Variants in CFAP97 observed in about 807,000 individuals in gnomAD.
CFAP97 encodes the protein cilia- and flagella-associated protein 97.
CFAP97 carries 36 observed loss-of-function variants against 43.1 expected under a neutral mutation model. The ratio of observed to expected loss-of-function variants is 0.84; its 90% CI spans 0.64 to 1.10. CFAP97 has a LOEUF of 1.10. Among genes scored for constraint, CFAP97 ranks in the 50% least tolerant of loss-of-function variants. The probability of loss-of-function intolerance (pLI) is 0.00; values close to 1 mark genes in which losing one functional copy is unlikely to be tolerated. For synonymous variants in CFAP97, 228 were observed against 225.7 expected, an observed-to-expected ratio of 1.01 and a Z score of -0.09; for missense variants, 657 against 620.3, an observed-to-expected ratio of 1.06 and a Z score of -0.63.
chr4:185,208,269 G>T (rs574485549), upstream of CFAP97, among the ~76,000 whole-genome samples: 1 of 152,070 alleles, frequency 6.6e-6, no homozygotes, highest in South Asian at 2.1e-4. Context: ...GCCCGCCTCA[G>T]CCTCCGAAAG....
At chr4:185,195,439 C>T (rs1228004008) in intron 1 of CFAP97, among the ~76,000 whole-genome samples, 1 of 152,210 alleles carries the variant, frequency 6.6e-6, no homozygotes, top group African/African-American at 2.4e-5. Flanking sequence ...GTCATCATCA[C>T]ACCACTGCAC....
chr4:185,189,536 CTAAATA>C (rs959875186), intron 2 of CFAP97, among the ~76,000 whole-genome samples: 2 of 152,050 alleles, frequency 1.3e-5, no homozygotes, highest in African/African-American at 4.8e-5. Context: ...TACTTTCAAA[CTAAATA>C]TAAATAATAA....
intron 2 of CFAP97, among the ~76,000 whole-genome samples, chr4:185,176,582 G>C (rs1399307361): frequency 2.0e-5 from 3 of 152,146 alleles, no homozygotes; most frequent in Admixed American, 6.6e-5. Flanking sequence ...ACGAAACAAT[G>C]AAAGTATCTT....
chr4:185,191,611 C>G (rs1414963848), intron 1 of CFAP97, among the ~76,000 whole-genome samples: 1 of 152,176 alleles, frequency 6.6e-6, no homozygotes, highest in Non-Finnish European at 1.5e-5. Flanking sequence ...GCGAGTGGAC[C>G]ACGAGGTCAA....
At chr4:185,173,661 T>TA (rs1435283126) in intron 3 of CFAP97, among the ~76,000 whole-genome samples, 1 of 152,210 alleles carries the variant, frequency 6.6e-6, no homozygotes, top group East Asian at 1.9e-4. Context: ...TGTACAGTTC[T>TA]ACTCATATGA....
At position 185,162,529 on chromosome 4, in the gene CFAP97, A is replaced by T; in HGVS notation, c.*269T>A. Reference sequence around the variant, plus strand: ...ATCACTACTATTTTGACAGCATGACAACTGAATAATTAGAAGATACACATG... The same window carrying T: ...ATCACTACTATTTTGACAGCATGACTACTGAATAATTAGAAGATACACATG... On this transcript the variant is annotated 3_prime_UTR_variant, in exon 5 of 5. Coordinates refer to ENST00000458385, the MANE Select transcript of CFAP97 (RefSeq NM_020827.3). 7.6e-6 allele frequency: 3 copies of T among 395,538 alleles called. No individual in the cohort carries two copies. The highest frequency in any genetic ancestry group is 7.2e-5 in the South Asian group (3 of 41,494). 24.5% of individuals were successfully genotyped at this position (395,538 alleles called of 1,614,324 possible). A position where few individuals can be genotyped will look rare whatever the true frequency, so the allele number is the denominator to read the frequency against.
At chr4:185,177,411 T>TA (rs1553971075) in intron 2 of CFAP97, among the ~76,000 whole-genome samples, 1 of 106,628 alleles carries the variant, frequency 9.4e-6, no homozygotes, top group Non-Finnish European at 2.0e-5. Flanking sequence ...AGACTCTGTC[T>TA]CCAAAAAAAA....
At chr4:185,184,104 T>C (rs538733061) in intron 2 of CFAP97, among the ~76,000 whole-genome samples, 5 of 152,302 alleles carry the variant, frequency 3.3e-5, no homozygotes, top group Non-Finnish European at 7.4e-5. Context: ...CTCAGTGTCT[T>C]GATATTCAGA....
At chr4:185,171,653 T>A (rs1339849938) in intron 3 of CFAP97, among the ~76,000 whole-genome samples, 2 of 152,234 alleles carry the variant, frequency 1.3e-5, no homozygotes, top group Non-Finnish European at 2.9e-5. Flanking sequence ...TCTGCTAAGA[T>A]TGTTCTTATG....
chr4:185,180,509 T>C (rs1735740280), intron 2 of CFAP97, among the ~76,000 whole-genome samples: 1 of 152,194 alleles, frequency 6.6e-6, no homozygotes, highest in South Asian at 2.1e-4. Context: ...ACAGCACTTA[T>C]TTGTCTTTTT....
At chr4:185,193,633 T>C (rs1736404961) in intron 1 of CFAP97, among the ~76,000 whole-genome samples, 1 of 151,944 alleles carries the variant, frequency 6.6e-6, no homozygotes, top group African/African-American at 2.4e-5. Flanking sequence ...CAGACGACAA[T>C]ATGAGACTGT....
intron 4 of CFAP97, 137 bp from the exon 5 acceptor site, chr4:185,163,062 G>T: frequency 3.0e-6 from 2 of 671,626 alleles, no homozygotes; most frequent in Non-Finnish European, 4.4e-6. Flanking sequence ...AGAATTCCCT[G>T]TGGAAGTTAA....
At chr4:185,193,486 A>T (rs1736394996) in intron 1 of CFAP97, among the ~76,000 whole-genome samples, 1 of 152,098 alleles carries the variant, frequency 6.6e-6, no homozygotes, top group Non-Finnish European at 1.5e-5. Flanking sequence ...CTCTACTAGA[A>T]ATACAAAAAA....
At chr4:185,209,830 C>T, upstream of CFAP97, 1 of 983,658 alleles carries the variant, frequency 1.0e-6, no homozygotes, top group Non-Finnish European at 1.2e-6. The surrounding 1 kb of genome is among the most constrained non-coding windows in gnomAD (Gnocchi z 5.2). Flanking sequence ...AAGCAGCATG[C>T]ACCCCGATGC....
intron 2 of CFAP97, among the ~76,000 whole-genome samples, chr4:185,186,642 G>A (rs1312150332): frequency 6.6e-6 from 1 of 152,104 alleles, no homozygotes; most frequent in Non-Finnish European, 1.5e-5. Flanking sequence ...TAAACCAGAT[G>A]CTAGTGATTA....
intron 1 of CFAP97, among the ~76,000 whole-genome samples, chr4:185,203,506 C>T (rs567709408): frequency 6.6e-6 from 1 of 152,282 alleles, no homozygotes; most frequent in Non-Finnish European, 1.5e-5. Flanking sequence ...TGTCTACATC[C>T]CCTACCGTCC....
upstream of CFAP97, chr4:185,209,975 G>T (rs956366824): frequency 1.0e-6 from 1 of 983,532 alleles, no homozygotes; most frequent in African/African-American, 1.8e-5. The surrounding 1 kb of genome is among the most constrained non-coding windows in gnomAD (Gnocchi z 5.2). Context: ...GCGGCGCCGG[G>T]GGCCCCGGGC....
At chr4:185,174,230 CAAAG>C (rs894682660) in intron 3 of CFAP97, among the ~76,000 whole-genome samples, 19 of 152,226 alleles carry the variant, frequency 1.2e-4, no homozygotes, top group African/African-American at 3.6e-4. Flanking sequence ...AGAGTGAAAA[CAAAG>C]GAAGTAATCC....
At position 185,190,745 on chromosome 4, in the gene CFAP97, G is replaced by C; in HGVS notation, c.452C>G (p.Ser151Cys). The change falls in exon 2 of 5, where the codon TCC becomes TGC. Residue 151 changes from serine to cysteine, a missense_variant. Coordinates refer to ENST00000458385, the MANE Select transcript of CFAP97 (RefSeq NM_020827.3). The part of the protein sequence containing the change: ...DGKKYHVKSK[S>C]AKPSTNVKKS... ...TTTAACGTTAGTAGATGGTTTAGCGGACTTGGACTTCACATGGTATTTCTT... is the reference window on the plus strand; with the variant it reads ...TTTAACGTTAGTAGATGGTTTAGCGCACTTGGACTTCACATGGTATTTCTT... The C allele has an allele frequency of 1.2e-5, 19 of 1,588,996 alleles. No individual in the cohort carries two copies. Among genetic ancestry groups the C allele is most frequent in the Non-Finnish European group, 1.6e-5 (19 of 1,166,090 alleles).
Sources: gnomAD v4.1 joint callset for allele counts (sites outside exome capture counted in the v4.1 genomes callset) on GRCh38, gnomAD v4.1.1 for gene constraint, Gnocchi (gnomAD v3.1) non-coding constraint, MANE v1.5 for transcripts, NCBI Gene and HGNC (gene_info 2026-07-23, HGNC 2026-07-21) for gene names.